The following MXRA8 variants were observed in gnomAD, a reference collection of about 807,000 sequenced individuals.
The protein encoded by MXRA8 is matrix remodeling-associated protein 8.
In MXRA8, 44 loss-of-function variants were observed where a neutral mutation model predicts 51.4. That is an observed-to-expected ratio of 0.86 (90% CI 0.67 to 1.10). The LOEUF (loss-of-function observed/expected upper bound fraction) is 1.10. MXRA8 is among the 50% of genes least tolerant of loss of function. The probability of loss-of-function intolerance (pLI) is 0.00; values close to 1 mark genes in which losing one functional copy is unlikely to be tolerated. For missense variants in MXRA8, 765 were observed against 638.9 expected (o/e 1.20, Z -2.13); for synonymous variants, 369 against 293.5 (o/e 1.26, Z -2.63).
upstream of MXRA8, chr1:1,361,920 C>T (rs1369792922): frequency 6.5e-6 from 1 of 154,210 alleles, no homozygotes; most frequent in African/African-American, 2.4e-5. Context: ...GGAGACAGCC[C>T]CCCAAGGGGG....
chr1:1,355,108 C>T lies in MXRA8; in HGVS notation c.523G>A (p.Ala175Thr). Residue 175 changes from alanine to threonine, a missense_variant, in exon 5 of 10, where the codon GCG becomes ACG. Physicochemically the swap from Ala to Thr is moderately conservative, Grantham distance 58. Transcript: ENST00000309212. ...AYWDGEKEVL[A>T]VARGAPALLT... Reference sequence around the variant, plus strand: ...AGCGCGGGTGCGCCGCGCGCCACCGCCAGCACCTCCTTCTCGCCGTCCCAG... The same window carrying T: ...AGCGCGGGTGCGCCGCGCGCCACCGTCAGCACCTCCTTCTCGCCGTCCCAG... The T allele has an allele frequency of 6.6e-7, 1 of 1,525,794 alleles. No individual in the cohort carries two copies. Among genetic ancestry groups the T allele is most frequent in the East Asian group, 2.6e-5 (1 of 38,996 alleles). 94.5% of individuals were successfully genotyped at this position (1,525,794 alleles called of 1,614,324 possible).
intron 4 of MXRA8, 26 bp from the exon 5 acceptor site, chr1:1,355,178 G>A: frequency 7.2e-7 from 1 of 1,390,094 alleles, no homozygotes; most frequent in Non-Finnish European, 9.3e-7. Context: ...GGTCAGCGGC[G>A]CGCGGGCCGG....
intron 8 of MXRA8, 31 bp from the exon 9 acceptor site, chr1:1,353,959 C>G (rs765015683): frequency 7.6e-5 from 122 of 1,602,412 alleles, no homozygotes; most frequent in Non-Finnish European, 9.5e-5. Context: ...GAGGTCCCCG[C>G]TCCCAGGATG....
chr1:1,353,165 G>T lies in MXRA8; in HGVS notation c.*439C>A. 1.0e-6 allele frequency: 1 copy of T among 996,252 alleles called. No individual in the cohort carries two copies. Among genetic ancestry groups the T allele is most frequent in the Non-Finnish European group, 1.5e-6 (1 of 649,072 alleles). The allele number at this position is 996,252 out of a possible 1,614,324, so 61.7% of individuals were successfully genotyped here. A position where few individuals can be genotyped will look rare whatever the true frequency, so the allele number is the denominator to read the frequency against. On this transcript the variant is annotated 3_prime_UTR_variant, in exon 10 of 10. Coordinates refer to ENST00000309212, the MANE Select transcript of MXRA8 (RefSeq NM_032348.4). ...CCCAACTTCAAGGCTGCCAAGTTCT[G>T]ATGGGAGTGTCCTCCTCCAGGAACA...
rs1322117062 is a variant in MXRA8, at chr1:1,355,638, T to C, written c.188A>G (p.Gln63Arg). 1.6e-5 allele frequency: 23 copies of C among 1,462,842 alleles called. No homozygotes were observed. Among genetic ancestry groups the C allele is most frequent in the Non-Finnish European group, 2.1e-5 (23 of 1,113,948 alleles). 90.6% of individuals were successfully genotyped at this position (1,462,842 alleles called of 1,614,324 possible). A position where few individuals can be genotyped will look rare whatever the true frequency, so the allele number is the denominator to read the frequency against. Residue 63 changes from glutamine (Q) to arginine (R), a missense_variant, in exon 3 of 10, where the codon CAG becomes CGG. Transcript: ENST00000309212. ...RCQSPRMVWTQDRLHDRQRVL... is the reference protein window; with the variant it reads ...RCQSPRMVWTRDRLHDRQRVL... ...GCGCTGGCGGTCGTGCAGCCGGTCCTGGGTCCACACCATGCGCGGGCTCTG... is the reference window on the plus strand; with the variant it reads ...GCGCTGGCGGTCGTGCAGCCGGTCCCGGGTCCACACCATGCGCGGGCTCTG...
chr1:1,355,406 G>T (rs1569790601), intron 3 of MXRA8, 44 bp downstream of exon 3: 69 of 1,505,422 alleles, frequency 4.6e-5, no homozygotes, highest in Non-Finnish European at 6.0e-5. Flanking sequence ...CGCGGCCCCG[G>T]ACCCCTGCCC....
upstream of MXRA8, chr1:1,358,746 G>A: frequency 1.5e-6 from 2 of 1,339,134 alleles, no homozygotes; most frequent in African/African-American, 1.5e-5. Flanking sequence ...TCAGGCCTGG[G>A]GAGGGGTGGT....
chr1:1,357,610 C>T (rs1035366934), intron 1 of MXRA8, among the ~76,000 whole-genome samples: 1 of 152,168 alleles, frequency 6.6e-6, no homozygotes, highest in Non-Finnish European at 1.5e-5. Context: ...AATTCAAGAC[C>T]AGCCTGGCCA....
At chr1:1,353,742 G>A (rs1644052701) in intron 9 of MXRA8, 106 bp downstream of exon 9, 2 of 1,467,386 alleles carry the variant, frequency 1.4e-6, no homozygotes, top group Admixed American at 2.3e-5. Flanking sequence ...GCCTGAGGTG[G>A]CAGGGGCCCC....
At chr1:1,355,219 T>TGGG in intron 4 of MXRA8, 25 bp downstream of exon 4, 1 of 422,562 alleles carries the variant, frequency 2.4e-6, no homozygotes, top group Non-Finnish European at 3.4e-6. Flanking sequence ...GGGCGGGAGC[T>TGGG]GGGGGGCGGG....
intron 1 of MXRA8, 96 bp downstream of exon 1, chr1:1,358,360 C>T (rs530191926): frequency 7.2e-7 from 1 of 1,385,854 alleles, no homozygotes; most frequent in African/African-American, 1.4e-5. Flanking sequence ...CTTCCCACTC[C>T]TCCTGGCCCA....
At chr1:1,360,027 T>A (rs1248209143), upstream of MXRA8, among the ~76,000 whole-genome samples, 1 of 152,096 alleles carries the variant, frequency 6.6e-6, no homozygotes, top group Non-Finnish European at 1.5e-5. Flanking sequence ...GTTCCCTCTC[T>A]CCCCATGGAG....
Position 1,355,474 on chromosome 1 carries a change from C to G in MXRA8, c.352G>C (p.Gly118Arg), listed in dbSNP as rs774476746. ...CCGCGGATGAGCAGCGAGAAGTTGC[C>G]GTCGTCGAAGGCCGAGGCCGAGAGC... ...LELSASAFDD[G>R]NFSLLIRAVE... The change falls in exon 3 of 10, where the codon GGC becomes CGC. Residue 118 changes from glycine to arginine, a missense_variant. Transcript: ENST00000309212. The G allele has an allele frequency of 2.0e-6, 3 of 1,509,488 alleles. No individual in the cohort carries two copies. The highest frequency in any genetic ancestry group is 2.5e-5 in the South Asian group (2 of 80,864). The allele number at this position is 1,509,488 out of a possible 1,614,324, so 93.5% of individuals were successfully genotyped here.
rs187396983 is a variant in MXRA8 at position 1,353,657 on chromosome 1, G to C, written c.1304-28C>G. 581 of 1,557,584 alleles carry C rather than the reference G, an allele frequency of 3.7e-4. 1 individual carries two copies. Among genetic ancestry groups the C allele is most frequent in the Non-Finnish European group, 4.9e-4 (560 of 1,148,192 alleles). On this transcript the variant is annotated intron_variant, in intron 9 of 9. Coordinates refer to ENST00000309212, the MANE Select transcript of MXRA8 (RefSeq NM_032348.4). ...GGAAGCCAAGGGCGCCAACGGGTTG[G>C]CGGCTGTCCTCCACCCTCATCACAG...
chr1:1,355,577 GC>G lies in MXRA8; in HGVS notation c.248del (p.Gly83AlafsTer102). 1.4e-6 allele frequency: 2 copies of G among 1,479,070 alleles called. No individual in the cohort carries two copies. The highest frequency in any genetic ancestry group is 4.7e-5 in the Admixed American group (2 of 42,646). The allele number at this position is 1,479,070 out of a possible 1,614,324, so 91.6% of individuals were successfully genotyped here. On this transcript the variant is annotated frameshift_variant, in exon 3 of 10. Transcript: ENST00000309212. LOFTEE classifies it high-confidence loss of function. The part of the protein sequence containing the change: ...LHWDLRGPGG[G>X]PARRLLDLYS... ...ACAAGTCCAGCAGGCGCCGCGCGGG[GC>G]CACCCCCGGGGCCGCGCAGGTCCCA...
At position 1,354,729 on chromosome 1, in the gene MXRA8, C is replaced by CG. The variant is rs764857791; in HGVS notation, c.901dup (p.Arg301ProfsTer86). On this transcript the variant is annotated frameshift_variant, in exon 5 of 10. Transcript: ENST00000309212. LOFTEE classifies it high-confidence loss of function. ...GCTGGAGCCGTTGCCCGGAGAGCCCCGGGGGGGCGGCTCCGCGTGGGGTTC... is the reference window on the plus strand; with the variant it reads ...GCTGGAGCCGTTGCCCGGAGAGCCCCGGGGGGGGCGGCTCCGCGTGGGGTTC... The CG allele has an allele frequency of 1.1e-5, 18 of 1,606,560 alleles. No individual in the cohort carries two copies. Among genetic ancestry groups the CG allele is most frequent in the African/African-American group, 5.4e-5 (4 of 74,724 alleles).
At position 1,356,706 on chromosome 1, in the gene MXRA8, TG is replaced by T; in HGVS notation, c.50-3del. 7.0e-7 allele frequency: 1 copy of T among 1,426,630 alleles called. No individual in the cohort carries two copies. Among genetic ancestry groups the T allele is most frequent in the Non-Finnish European group, 9.3e-7 (1 of 1,079,630 alleles). The allele number at this position is 1,426,630 out of a possible 1,614,324, so 88.4% of individuals were successfully genotyped here. A position where few individuals can be genotyped will look rare whatever the true frequency, so the allele number is the denominator to read the frequency against. On this transcript the variant is annotated splice_polypyrimidine_tract_variant and splice_region_variant and intron_variant, in intron 1 of 9. Coordinates refer to ENST00000309212, the MANE Select transcript of MXRA8 (RefSeq NM_032348.4). ...CTGAGTGCAGGAGAACAGCAGAGCC[TG>T]GAAGGAGAGGAGTGAGCTGGAGAGG...
At chr1:1,353,767 C>T (rs370392849) in intron 9 of MXRA8, 81 bp downstream of exon 9, 2 of 1,480,512 alleles carry the variant, frequency 1.4e-6, no homozygotes, top group East Asian at 2.4e-5. Context: ...CTGGCTGGTG[C>T]CTGCCATCGT....
upstream of MXRA8, chr1:1,359,500 C>G: frequency 1.0e-6 from 1 of 985,476 alleles, no homozygotes; most frequent in Non-Finnish European, 1.2e-6. Flanking sequence ...GTGCATAGTT[C>G]CGCCCGCCCA....
Sources: gnomAD v4.1 joint callset for allele counts (sites outside exome capture counted in the v4.1 genomes callset) on GRCh38, gnomAD v4.1.1 for gene constraint, MANE v1.5 for transcripts, NCBI Gene and HGNC (gene_info 2026-07-23, HGNC 2026-07-21) for gene names.